SUGP1: variants seen among roughly 807,000 people sequenced by gnomAD.
SUGP1 encodes SURP and G-patch domain-containing protein 1.
A neutral mutation model predicts 76.5 loss-of-function variants in SUGP1; 34 were observed. That is an observed-to-expected ratio of 0.44 (90% CI 0.34 to 0.59). The LOEUF (loss-of-function observed/expected upper bound fraction) is 0.59. Among genes scored for constraint, SUGP1 ranks in the 20% least tolerant of loss-of-function variants. The pLI is 0.01. For missense variants in SUGP1, 752 were observed against 851.7 expected (o/e 0.88, Z 1.46); for synonymous variants, 326 against 326.2 (o/e 1.00, Z 0.01).
intron 2 of SUGP1, among the ~76,000 whole-genome samples, chr19:19,313,895 A>G (rs1273149763): frequency 6.6e-6 from 1 of 151,878 alleles, no homozygotes; most frequent in Non-Finnish European, 1.5e-5. Flanking sequence ...CCTAGCACTT[A>G]GGGAGGCCGA....
At position 19,297,199 on chromosome 19, in the gene SUGP1, C is replaced by G. The variant is rs781521404; in HGVS notation, c.1033G>C (p.Gly345Arg). The G allele has an allele frequency of 5.6e-6, 9 of 1,606,290 alleles. No individual in the cohort carries two copies. Among genetic ancestry groups the G allele is most frequent in the Non-Finnish European group, 7.7e-6 (9 of 1,174,010 alleles). The change falls in exon 8 of 14, where the codon GGG (glycine) becomes CGG (arginine). Residue 345 changes from glycine to arginine, a missense_variant. By Grantham distance (125) the Gly-to-Arg change is moderately radical. Coordinates refer to ENST00000247001, the MANE Select transcript of SUGP1 (RefSeq NM_172231.4). ...CAGGTGGTGGCTGGGGGTAAGGACCCTGACAGGGCCTCAGGAGGGGACTTG... is the reference window on the plus strand; with the variant it reads ...CAGGTGGTGGCTGGGGGTAAGGACCGTGACAGGGCCTCAGGAGGGGACTTG... ...KRKSPPEALS[G>R]SLPPATTCPA...
chr19:19,314,276 T>C (rs931245469), intron 2 of SUGP1, among the ~76,000 whole-genome samples: 2 of 152,038 alleles, frequency 1.3e-5, no homozygotes, highest in Non-Finnish European at 2.9e-5. Flanking sequence ...TGAGCCGAGA[T>C]GGCACCACTA....
At chr19:19,285,619 G>A (rs1459526547) in intron 8 of SUGP1, among the ~76,000 whole-genome samples, 1 of 152,180 alleles carries the variant, frequency 6.6e-6, no homozygotes, top group Non-Finnish European at 1.5e-5. Context: ...AGGCTGGAGT[G>A]CAATGGCGTG....
chr19:19,295,076 T>C (rs2061214860), intron 8 of SUGP1, among the ~76,000 whole-genome samples: 3 of 152,118 alleles, frequency 2.0e-5, no homozygotes, highest in African/African-American at 4.8e-5. Flanking sequence ...GGCAAGAAGA[T>C]GGCTTGAGCC....
chr19:19,309,461 G>C (rs979174040), intron 3 of SUGP1, among the ~76,000 whole-genome samples: 1 of 152,132 alleles, frequency 6.6e-6, no homozygotes, highest in Non-Finnish European at 1.5e-5. Context: ...TCTAGCCTGA[G>C]CAAGAGTGAG....
intron 8 of SUGP1, among the ~76,000 whole-genome samples, chr19:19,285,034 A>AT (rs368185954): frequency 0.02 from 2,985 of 150,720 alleles, 112 homozygotes; most frequent in African/African-American, 0.07. Flanking sequence ...TGCCTGGCTA[A>AT]TTTTTTGTAT....
chr19:19,283,131 T>C (rs1357890953), intron 8 of SUGP1, among the ~76,000 whole-genome samples: 1 of 151,976 alleles, frequency 6.6e-6, no homozygotes, highest in Non-Finnish European at 1.5e-5. Flanking sequence ...ATGTAGATGC[T>C]AGTCTGTTTT....
At chr19:19,316,277 C>G (rs1356217825) in intron 2 of SUGP1, 145 bp downstream of exon 2, 1 of 1,055,994 alleles carries the variant, frequency 9.5e-7, no homozygotes. Context: ...CAGTGAGCCT[C>G]CCAAGGGCAT....
At chr19:19,284,112 A>G (rs549361458) in intron 8 of SUGP1, among the ~76,000 whole-genome samples, 11 of 152,326 alleles carry the variant, frequency 7.2e-5, no homozygotes, top group African/African-American at 2.6e-4. Context: ...GTTTAGTGCA[A>G]TATAGTAAAC....
chr19:19,280,843 T>C lies in SUGP1; in HGVS notation c.1244-552A>G, dbSNP rs190855410. 22 of 152,690 alleles carry C rather than the reference T, an allele frequency of 1.4e-4. No individual in the cohort carries two copies. In the East Asian group the frequency reaches 4.2e-3, roughly 29 times the overall value. 9.5% of individuals were successfully genotyped at this position (152,690 alleles called of 1,614,324 possible). A position where few individuals can be genotyped will look rare whatever the true frequency, so the allele number is the denominator to read the frequency against. On this transcript the variant is annotated intron_variant, in intron 8 of 13. Coordinates refer to ENST00000247001, the MANE Select transcript of SUGP1 (RefSeq NM_172231.4). Reference sequence around the variant, plus strand: ...TTTAATTTGGCATCAGCTGTGGAACTTGGCAGGCTCCAGTAACACTGACAC... The same window carrying C: ...TTTAATTTGGCATCAGCTGTGGAACCTGGCAGGCTCCAGTAACACTGACAC...
In SUGP1 at chr19:19,277,855, C is replaced by CT. The variant is rs770950069; in HGVS notation, c.1659dup (p.Glu554ArgfsTer54). The CT allele has an allele frequency of 6.2e-7, 1 of 1,613,970 alleles. No homozygotes were observed. Among genetic ancestry groups the CT allele is most frequent in the Admixed American group, 1.7e-5 (1 of 60,008 alleles). ...ACAGTCAGCTTGAACTCCTTGTACT[C>CT]TGAGTAGTCAGGCTCACGGCCCTCC... On this transcript the variant is annotated frameshift_variant, in exon 12 of 14. Transcript: ENST00000247001. LOFTEE classifies it high-confidence loss of function.
chr19:19,294,316 G>A (rs1056231502), intron 8 of SUGP1, among the ~76,000 whole-genome samples: 6 of 152,020 alleles, frequency 3.9e-5, no homozygotes, highest in African/African-American at 1.4e-4. Flanking sequence ...TTGAACTCAC[G>A]AATTCAAGAC....
intron 10 of SUGP1, 53 bp from the exon 11 acceptor site, chr19:19,278,849 C>T: frequency 6.4e-7 from 1 of 1,559,382 alleles, no homozygotes; most frequent in Non-Finnish European, 8.7e-7. Context: ...AGGAGGGGAG[C>T]AGGCCTGGTG....
intron 8 of SUGP1, among the ~76,000 whole-genome samples, chr19:19,294,938 G>A (rs992154889): frequency 3.9e-5 from 6 of 152,122 alleles, no homozygotes; most frequent in Non-Finnish European, 5.9e-5. Context: ...CATAGCTGAC[G>A]AGGGGGTTAA....
At chr19:19,318,657 T>TGTCCTCAAGGGAGCCTCCC (rs2061412603) in intron 1 of SUGP1, among the ~76,000 whole-genome samples, 1 of 152,170 alleles carries the variant, frequency 6.6e-6, no homozygotes, top group African/African-American at 2.4e-5. Flanking sequence ...CTTGAACTCC[T>TGTCCTCAAGGGAGCCTCCC]GTCCTCAAGG....
chr19:19,305,780 C>A lies in SUGP1; in HGVS notation c.538+69G>T. 3.4e-5 allele frequency: 50 copies of A among 1,492,166 alleles called. No individual in the cohort carries two copies. The South Asian group carries it at 6.3e-4, about 19-fold the overall frequency. 92.4% of individuals were successfully genotyped at this position (1,492,166 alleles called of 1,614,324 possible). On this transcript the variant is annotated intron_variant, in intron 4 of 13. Coordinates refer to ENST00000247001, the MANE Select transcript of SUGP1 (RefSeq NM_172231.4). ...CATGCCCCTGGCAGCACTTGCCCTG[C>A]CCACCACAGATCCCACCTGCTAGAG...
intron 3 of SUGP1, among the ~76,000 whole-genome samples, chr19:19,308,224 A>G (rs2061330611): frequency 6.7e-6 from 1 of 150,292 alleles, no homozygotes; most frequent in Admixed American, 6.6e-5. Context: ...TGTAGAGAGG[A>G]GACTTAGCCA....
At chr19:19,298,280 C>G (rs1321720465) in intron 7 of SUGP1, among the ~76,000 whole-genome samples, 1 of 152,068 alleles carries the variant, frequency 6.6e-6, no homozygotes, top group Non-Finnish European at 1.5e-5. Context: ...GGCAGATCAC[C>G]TGAGGTCAGG....
chr19:19,278,885 C>CCCACTGAGCCTCAT, intron 10 of SUGP1, 89 bp from the exon 11 acceptor site: 1 of 1,394,842 alleles, frequency 7.2e-7, no homozygotes, highest in Non-Finnish European at 9.9e-7. Flanking sequence ...GTATGAGGCT[C>CCCACTGAGCCTCAT]AGTGGGAGCC....
Sources: gnomAD v4.1 joint callset for allele counts (sites outside exome capture counted in the v4.1 genomes callset) on GRCh38, gnomAD v4.1.1 for gene constraint, MANE v1.5 for transcripts, NCBI Gene and HGNC (gene_info 2026-07-23, HGNC 2026-07-21) for gene names.